STAT4: variants seen among roughly 807,000 people sequenced by gnomAD.
The protein encoded by STAT4 is signal transducer and activator of transcription 4.
In STAT4, 42 loss-of-function variants were observed where a neutral mutation model predicts 110.5. That is an observed-to-expected ratio of 0.38 (90% CI 0.30 to 0.49). STAT4 has a LOEUF of 0.49. STAT4 is among the 20% of genes least tolerant of loss of function. The pLI is 0.95. For synonymous variants in STAT4, 284 were observed against 302.2 expected, an observed-to-expected ratio of 0.94 and a Z score of 0.63; for missense variants, 632 against 887.9, an observed-to-expected ratio of 0.71 and a Z score of 3.66.
chr2:191,108,255 C>T (rs1039078421), intron 3 of STAT4, among the ~76,000 whole-genome samples: 3 of 150,664 alleles, frequency 2.0e-5, no homozygotes, highest in Admixed American at 6.6e-5. Flanking sequence ...CGCGCCACTA[C>T]GCTCCAGCCT....
chr2:191,112,437 G>A lies in STAT4; in HGVS notation c.273+34176C>T, dbSNP rs1203921978. ...GTAATGAAAGTAGCACTGTGTACCA[G>A]TGTATCTAGTAGTAAATGGTCATCA... On this transcript the variant is annotated intron_variant, in intron 3 of 23. Coordinates refer to ENST00000392320, the MANE Select transcript of STAT4 (RefSeq NM_003151.4). This position sits in a 1 kb window ranked among gnomAD's most constrained non-coding sequence, Gnocchi z 4.3. Among the ~76,000 whole-genome samples, 2 of 152,202 alleles carry A rather than the reference G, an allele frequency of 1.3e-5. No homozygotes were observed. Among genetic ancestry groups the A allele is most frequent in the Non-Finnish European group, 2.9e-5 (2 of 68,028 alleles).
rs1009358328 is a variant in STAT4, at chr2:191,031,266, T to C, written c.2111+184A>G. ...TATATGGCATATAAAAGGGGAATTT[T>C]ATAATTTTAGGCACAATAGATTGTG... On this transcript the variant is annotated intron_variant, in intron 22 of 23. Transcript: ENST00000392320. This position sits in a 1 kb window ranked among gnomAD's most constrained non-coding sequence, Gnocchi z 4.8. 6.6e-6 allele frequency: 6 copies of C among 903,032 alleles called. No homozygotes were observed. In the African/African-American group the frequency reaches 1.0e-4, roughly 15 times the overall value. 55.9% of individuals were successfully genotyped at this position (903,032 alleles called of 1,614,324 possible).
Position 191,076,210 on chromosome 2 carries a change from A to C in STAT4, c.372+17T>G, listed in dbSNP as rs759455528. The C allele has an allele frequency of 1.7e-5, 27 of 1,601,806 alleles. No homozygotes were observed. The East Asian group carries it at 5.8e-4, about 34-fold the overall frequency. ...AGTTCAAGGTGATAACAAGATCACA[A>C]GGTCAGAAAATATTACCTGGACAGG... On this transcript the variant is annotated intron_variant, in intron 4 of 23. Coordinates refer to ENST00000392320, the MANE Select transcript of STAT4 (RefSeq NM_003151.4).
rs1699472620 is a variant in STAT4, at chr2:191,146,763, A to G, written c.129-6T>C. ...CATTGTTAGAAGCTGCCTCCCTAAAAAAAAAAAGGATTATTACACAACAGA... is the reference window on the plus strand; with the variant it reads ...CATTGTTAGAAGCTGCCTCCCTAAAGAAAAAAAGGATTATTACACAACAGA... On this transcript the variant is annotated splice_polypyrimidine_tract_variant and splice_region_variant and intron_variant, in intron 2 of 23. Transcript: ENST00000392320. The surrounding 1 kb of genome is among the most constrained non-coding windows in gnomAD (Gnocchi z 4.5). 2 of 1,537,476 alleles carry G rather than the reference A, an allele frequency of 1.3e-6. No homozygotes were observed. The highest frequency in any genetic ancestry group is 1.7e-6 in the Non-Finnish European group (2 of 1,147,542).
chr2:191,072,936 A>G (rs564275571), intron 5 of STAT4, among the ~76,000 whole-genome samples, 162 bp downstream of exon 5: 1 of 152,340 alleles, frequency 6.6e-6, no homozygotes. Context: ...TTTCCCATAA[A>G]GAAATATTCT....
At chr2:191,133,995 G>T (rs981780745) in intron 3 of STAT4, among the ~76,000 whole-genome samples, 3 of 152,232 alleles carry the variant, frequency 2.0e-5, no homozygotes, top group Non-Finnish European at 4.4e-5. Flanking sequence ...AAAGAAGCCA[G>T]TCTAAGAAGG....
At chr2:191,073,054 G>T in intron 5 of STAT4, 44 bp downstream of exon 5, 1 of 1,530,644 alleles carries the variant, frequency 6.5e-7, no homozygotes, top group Non-Finnish European at 9.0e-7. Flanking sequence ...AGTTATATGG[G>T]GACAGTATCT....
At position 191,146,504 on chromosome 2, in the gene STAT4, T is replaced by C. The variant is rs1699463886; in HGVS notation, c.273+109A>G. 6.4e-6 allele frequency: 7 copies of C among 1,089,944 alleles called. No homozygotes were observed. The highest frequency in any genetic ancestry group is 8.3e-6 in the Non-Finnish European group (7 of 842,076). The allele number at this position is 1,089,944 out of a possible 1,614,324, so 67.5% of individuals were successfully genotyped here. ...ATTTGTAAGTGGTAAGACAACTCAATTTTCCCCTAAATTTCATTTGAAAAT... is the reference window on the plus strand; with the variant it reads ...ATTTGTAAGTGGTAAGACAACTCAACTTTCCCCTAAATTTCATTTGAAAAT... On this transcript the variant is annotated intron_variant, in intron 3 of 23. Coordinates refer to ENST00000392320, the MANE Select transcript of STAT4 (RefSeq NM_003151.4). The surrounding 1 kb of genome is among the most constrained non-coding windows in gnomAD (Gnocchi z 4.5).
Position 191,029,721 on chromosome 2 carries a change from A to G in STAT4, c.*119T>C, listed in dbSNP as rs898789261. On this transcript the variant is annotated 3_prime_UTR_variant, in exon 24 of 24. Coordinates refer to ENST00000392320, the MANE Select transcript of STAT4 (RefSeq NM_003151.4). The surrounding 1 kb of genome is among the most constrained non-coding windows in gnomAD (Gnocchi z 4.5). ...AGTGTGAAGAGAGCTTCAGATGTCA[A>G]ACATTTCCTAGAACCTGGTATTTAC... 5.2e-6 allele frequency: 5 copies of G among 955,040 alleles called. No homozygotes were observed. The African/African-American group carries it at 6.7e-5, about 13-fold the overall frequency. The allele number at this position is 955,040 out of a possible 1,614,324, so 59.2% of individuals were successfully genotyped here. A position where few individuals can be genotyped will look rare whatever the true frequency, so the allele number is the denominator to read the frequency against.
At position 191,147,421 on chromosome 2, in the gene STAT4, T is replaced by C. The variant is rs1023436359; in HGVS notation, c.128+655A>G. Among the ~76,000 whole-genome samples the C allele has an allele frequency of 6.6e-6, 1 of 152,118 alleles. No homozygotes were observed. Among genetic ancestry groups the C allele is most frequent in the Non-Finnish European group, 1.5e-5 (1 of 68,004 alleles). ...TAAGTCAGTTACAAAAGGAAAAATA[T>C]TGTGTGATTCCAATTATCTAAAGTA... On this transcript the variant is annotated intron_variant, in intron 2 of 23. Transcript: ENST00000392320. This position sits in a 1 kb window ranked among gnomAD's most constrained non-coding sequence, Gnocchi z 4.1.
intron 13 of STAT4, among the ~76,000 whole-genome samples, chr2:191,056,182 T>G (rs1382960100): frequency 6.6e-6 from 1 of 152,194 alleles, no homozygotes; most frequent in Non-Finnish European, 1.5e-5. Context: ...TTTTAGAAAG[T>G]AGACTTTTTG....
intron 3 of STAT4, among the ~76,000 whole-genome samples, chr2:191,136,343 C>T (rs1435451779): frequency 1.3e-5 from 2 of 152,176 alleles, no homozygotes; most frequent in African/African-American, 4.8e-5. Flanking sequence ...TGGAACAAGA[C>T]AAGGATGAAC....
rs192872987 is a variant in STAT4, at chr2:191,039,969, G to A, written c.1336-672C>T. ...GTAGATGGTAAAATACCCATTTGAG[G>A]AACTTTAACAACTCATAAAAACAGA... On this transcript the variant is annotated intron_variant, in intron 15 of 23. Transcript: ENST00000392320. The surrounding 1 kb of genome is among the most constrained non-coding windows in gnomAD (Gnocchi z 4.7). Among the ~76,000 whole-genome samples the A allele has an allele frequency of 1.9e-3, 296 of 152,272 alleles. No homozygotes were observed. The highest frequency in any genetic ancestry group is 3.4e-3 in the Middle Eastern group (1 of 294).
At chr2:191,136,383 G>T (rs114641144) in intron 3 of STAT4, among the ~76,000 whole-genome samples, 1 of 152,202 alleles carries the variant, frequency 6.6e-6, no homozygotes, top group Non-Finnish European at 1.5e-5. Flanking sequence ...TCAACATATT[G>T]CTGGGAGTCA....
rs939643731 is a variant in STAT4, at chr2:191,142,437, T to C, written c.273+4176A>G. ...TCTCATGGAGGTAAAGAGTAGAATA[T>C]AGATACCAGAGGCTGGGAAGGGTGG... On this transcript the variant is annotated intron_variant, in intron 3 of 23. Coordinates refer to ENST00000392320, the MANE Select transcript of STAT4 (RefSeq NM_003151.4). The surrounding 1 kb of genome is among the most constrained non-coding windows in gnomAD (Gnocchi z 4.1). Among the ~76,000 whole-genome samples the C allele has an allele frequency of 1.3e-5, 2 of 151,970 alleles. No individual in the cohort carries two copies. Among genetic ancestry groups the C allele is most frequent in the African/African-American group, 2.4e-5 (1 of 41,360 alleles).
Position 191,146,469 on chromosome 2 carries a change from T to A in STAT4, c.273+144A>T, listed in dbSNP as rs145241156. 5.8e-6 allele frequency: 4 copies of A among 686,974 alleles called. No homozygotes were observed. Among genetic ancestry groups the A allele is most frequent in the African/African-American group, 5.6e-5 (3 of 53,682 alleles). 42.6% of individuals were successfully genotyped at this position (686,974 alleles called of 1,614,324 possible). On this transcript the variant is annotated intron_variant, in intron 3 of 23. Transcript: ENST00000392320. This position sits in a 1 kb window ranked among gnomAD's most constrained non-coding sequence, Gnocchi z 4.5. The stretch of plus-strand genomic sequence containing the variant: ...CATGAAAAATGTTAGGTAATAAAAT[T>A]GAGCACAAAATTTGTAAGTGGTAAG...
Position 191,138,321 on chromosome 2 carries a change from C to T in STAT4, c.273+8292G>A, listed in dbSNP as rs543228839. ...TACAAAAGATAAATGAAACAAAAAG[C>T]ATGTTATTTGAAAAGATAATATTGA... is the stretch of plus-strand genomic sequence containing the variant. On this transcript the variant is annotated intron_variant, in intron 3 of 23. Coordinates refer to ENST00000392320, the MANE Select transcript of STAT4 (RefSeq NM_003151.4). This position sits in a 1 kb window ranked among gnomAD's most constrained non-coding sequence, Gnocchi z 4.3. Among the ~76,000 whole-genome samples, 3 of 151,816 alleles carry T rather than the reference C, an allele frequency of 2.0e-5. No homozygotes were observed. The East Asian group carries it at 5.8e-4, about 29-fold the overall frequency.
Position 191,147,663 on chromosome 2 carries a change from T to C in STAT4, c.128+413A>G, listed in dbSNP as rs1699491917. On this transcript the variant is annotated intron_variant, in intron 2 of 23. Coordinates refer to ENST00000392320, the MANE Select transcript of STAT4 (RefSeq NM_003151.4). The surrounding 1 kb of genome is among the most constrained non-coding windows in gnomAD (Gnocchi z 4.1). The stretch of plus-strand genomic sequence containing the variant: ...AAAAACAATGGTAAATTTTATGTTA[T>C]GTGTATTTTACCACAATAAAAAAGA... Among the ~76,000 whole-genome samples, 1 of 152,180 alleles carries C rather than the reference T, an allele frequency of 6.6e-6. No individual in the cohort carries two copies. Among genetic ancestry groups the C allele is most frequent in the Admixed American group, 6.5e-5 (1 of 15,284 alleles).
chr2:191,061,973 T>C lies in STAT4; in HGVS notation c.942-152A>G. ...CCCAATTAAACTCAAATCTTTACAATGACTTTTTATAAATCATTTCACAGC... is the reference window on the plus strand; with the variant it reads ...CCCAATTAAACTCAAATCTTTACAACGACTTTTTATAAATCATTTCACAGC... On this transcript the variant is annotated intron_variant, in intron 9 of 23. Coordinates refer to ENST00000392320, the MANE Select transcript of STAT4 (RefSeq NM_003151.4). This position sits in a 1 kb window ranked among gnomAD's most constrained non-coding sequence, Gnocchi z 6.2. 1 of 676,614 alleles carries C rather than the reference T, an allele frequency of 1.5e-6. No individual in the cohort carries two copies. The highest frequency in any genetic ancestry group is 2.6e-6 in the Non-Finnish European group (1 of 387,094). 41.9% of individuals were successfully genotyped at this position (676,614 alleles called of 1,614,324 possible).
Sources: allele counts gnomAD v4.1 joint callset (sites outside exome capture counted in the v4.1 genomes callset), GRCh38; gene constraint gnomAD v4.1.1; non-coding constraint Gnocchi (gnomAD v3.1); transcripts MANE v1.5; gene names NCBI Gene and HGNC (gene_info 2026-07-23, HGNC 2026-07-21).